Variants in DYNC1H1 observed in about 807,000 individuals in gnomAD.
The protein encoded by DYNC1H1 is dynein cytoplasmic 1 heavy chain 1.
A neutral mutation model predicts 527.1 loss-of-function variants in DYNC1H1; 51 were observed. The observed-to-expected ratio is 0.10, with a 90% CI of 0.08 to 0.12. The LOEUF is 0.12. Among genes scored for constraint, DYNC1H1 ranks in the 10% least tolerant of loss-of-function variants. The pLI is 1.00. For synonymous variants in DYNC1H1, 2,189 were observed against 2,278.8 expected (o/e 0.96, Z 1.12); for missense variants, 2,771 against 5,971.8 (o/e 0.46, Z 17.66).
chr14:102,048,647 G>A lies in DYNC1H1; in HGVS notation c.13350G>A (p.Thr4450=), dbSNP rs961375016. 13 of 1,613,430 alleles carry A rather than the reference G, an allele frequency of 8.1e-6. No homozygotes were observed. Among genetic ancestry groups the A allele is most frequent in the African/African-American group, 2.7e-5 (2 of 74,916 alleles). Residue 4450 remains threonine (T), a synonymous_variant, in exon 74 of 78, where the codon ACG becomes ACA. Coordinates refer to ENST00000360184, the MANE Select transcript of DYNC1H1 (RefSeq NM_001376.5). Reference sequence around the variant, plus strand: ...AGAAGCAGACCAACTACTTGCGCACGCTGATCAACGAGCTAGTGAAAGGTG... The same window carrying A: ...AGAAGCAGACCAACTACTTGCGCACACTGATCAACGAGCTAGTGAAAGGTG... ...GKKKQTNYLR[T]LINELVKGIL...
Position 101,988,833 on chromosome 14 carries a change from G to A in DYNC1H1, c.2849G>A (p.Gly950Asp). Residue 950 changes from glycine to aspartate, a missense_variant, in exon 10 of 78, where the codon GGT becomes GAT. By Grantham distance (94) the Gly-to-Asp change is moderately conservative. This residue lies in a region of DYNC1H1 where 179 missense variants were observed against 349.4 expected (regional missense o/e 0.51). Coordinates refer to ENST00000360184, the MANE Select transcript of DYNC1H1 (RefSeq NM_001376.5). ...TDAPQVSHKP[G>D]GEPKIKNVVH... ...GCTCCACAAGTTAGTCACAAGCCTG[G>A]TGGAGAGCCAAAGATCAAAGTGAGT... is the stretch of plus-strand genomic sequence containing the variant. The A allele has an allele frequency of 1.2e-6, 2 of 1,614,184 alleles. No individual in the cohort carries two copies. The highest frequency in any genetic ancestry group is 1.7e-6 in the Non-Finnish European group (2 of 1,180,036).
At chr14:101,984,953 A>AG (rs1435609987) in intron 7 of DYNC1H1, among the ~76,000 whole-genome samples, 3 of 150,882 alleles carry the variant, frequency 2.0e-5, no homozygotes, top group African/African-American at 7.3e-5. Flanking sequence ...AAAAAAAAAA[A>AG]AAAAGGAAAA....
intron 11 of DYNC1H1, 138 bp downstream of exon 11, chr14:101,991,811 G>A (rs2048001804): frequency 1.1e-5 from 14 of 1,317,564 alleles, no homozygotes; most frequent in Non-Finnish European, 1.5e-5. Context: ...GGAAAGTTAG[G>A]GAGGCTTTTT....
rs1283290148 is a variant in DYNC1H1, at chr14:102,036,661, A to G, written c.10908+19A>G. The G allele has an allele frequency of 1.9e-6, 3 of 1,613,844 alleles. No individual in the cohort carries two copies. The South Asian group carries it at 3.3e-5, about 18-fold the overall frequency. On this transcript the variant is annotated intron_variant, in intron 57 of 77. Coordinates refer to ENST00000360184, the MANE Select transcript of DYNC1H1 (RefSeq NM_001376.5). The surrounding 1 kb of genome is among the most constrained non-coding windows in gnomAD (Gnocchi z 5.6). ...GGTCCAGGTTGGTGTTGGCCTTTGA[A>G]TTCTTGAAACACTGCATTCAAGAGT...
Position 102,051,337 on chromosome 14 carries a change from T to TCGAGACC in DYNC1H1, c.*774_*775insCGAGACC, listed in dbSNP as rs2048807983. 6.6e-6 allele frequency: 1 copy of TCGAGACC among 151,368 alleles called. No homozygotes were observed. The highest frequency in any genetic ancestry group is 2.4e-5 in the African/African-American group (1 of 41,076). 9.4% of individuals were successfully genotyped at this position (151,368 alleles called of 1,614,324 possible). On this transcript the variant is annotated 3_prime_UTR_variant, in exon 78 of 78. Coordinates refer to ENST00000360184, the MANE Select transcript of DYNC1H1 (RefSeq NM_001376.5). The stretch of plus-strand genomic sequence containing the variant: ...GGCCGAGGCGGGCGGATCACCAAAT[T>TCGAGACC]AGCCGGGCATGGTGGCACATGCCTG...
In DYNC1H1 at chr14:102,048,006, A is replaced by T; in HGVS notation, c.13196A>T (p.Lys4399Met). The change falls in exon 73 of 78, where the codon AAG (lysine) becomes ATG (methionine). Residue 4399 changes from lysine to methionine, a missense_variant. By Grantham distance (95) the Lys-to-Met change is moderately conservative. Coordinates refer to ENST00000360184, the MANE Select transcript of DYNC1H1 (RefSeq NM_001376.5). Reference sequence around the variant, plus strand: ...ATCCCCCAGACGCTGAGCCACCTCAAGCGCACCGTGGAGAATATCAAGGTA... The same window carrying T: ...ATCCCCCAGACGCTGAGCCACCTCATGCGCACCGTGGAGAATATCAAGGTA... ...HLIPQTLSHL[K>M]RTVENIKDPL... is the part of the protein sequence containing the mutation. 1 of 1,611,786 alleles carries T rather than the reference A, an allele frequency of 6.2e-7. No individual in the cohort carries two copies. The highest frequency in any genetic ancestry group is 8.5e-7 in the Non-Finnish European group (1 of 1,179,878).
Position 102,041,052 on chromosome 14 carries a change from T to C in DYNC1H1, c.11941+379T>C, listed in dbSNP as rs1438072782. Reference sequence around the variant, plus strand: ...AGATCGCTTCTAGGTAGGTGTTGGCTTAGAAGTAAATCAGAAATTTCCAAT... The same window carrying C: ...AGATCGCTTCTAGGTAGGTGTTGGCCTAGAAGTAAATCAGAAATTTCCAAT... On this transcript the variant is annotated intron_variant, in intron 64 of 77. Transcript: ENST00000360184. The surrounding 1 kb of genome is among the most constrained non-coding windows in gnomAD (Gnocchi z 4.5). 2.8e-6 allele frequency: 1 copy of C among 360,082 alleles called. No individual in the cohort carries two copies. The highest frequency in any genetic ancestry group is 6.9e-5 in the East Asian group (1 of 14,490). The allele number at this position is 360,082 out of a possible 1,614,324, so 22.3% of individuals were successfully genotyped here. A position where few individuals can be genotyped will look rare whatever the true frequency, so the allele number is the denominator to read the frequency against.
At chr14:101,994,530 A>C in intron 12 of DYNC1H1, 143 bp from the exon 13 acceptor site, 1 of 1,339,236 alleles carries the variant, frequency 7.5e-7, no homozygotes, top group Non-Finnish European at 1.0e-6. Context: ...TTTTGATATG[A>C]AAATTCTGAG....
rs754809408 is a variant in DYNC1H1, at chr14:101,994,858, T to A, written c.3333+9T>A. 1.9e-6 allele frequency: 3 copies of A among 1,614,098 alleles called. No homozygotes were observed. Among genetic ancestry groups the A allele is most frequent in the Non-Finnish European group, 2.5e-6 (3 of 1,180,050 alleles). On this transcript the variant is annotated intron_variant, in intron 13 of 77. Coordinates refer to ENST00000360184, the MANE Select transcript of DYNC1H1 (RefSeq NM_001376.5). ...TTATAGATTATGGCAAGGTGAGCCC[T>A]GCTGTCTGGTTGAAAGGTGTCACGG...
intron 10 of DYNC1H1, among the ~76,000 whole-genome samples, chr14:101,989,609 C>T (rs866290982): frequency 6.6e-5 from 10 of 152,200 alleles, no homozygotes; most frequent in Admixed American, 3.9e-4. Context: ...ACAGTAAAAA[C>T]CTTGATCTGG....
At chr14:102,024,300 C>T (rs2048423041) in intron 43 of DYNC1H1, among the ~76,000 whole-genome samples, 1 of 152,182 alleles carries the variant, frequency 6.6e-6, no homozygotes, top group African/African-American at 2.4e-5. Flanking sequence ...GGACGTTTAC[C>T]GAGTTACAGT....
rs200918195 is a variant in DYNC1H1 at position 101,979,767 on chromosome 14, C to T, written c.567C>T (p.Leu189=). The T allele has an allele frequency of 1.9e-6, 3 of 1,614,114 alleles. No individual in the cohort carries two copies. Among genetic ancestry groups the T allele is most frequent in the South Asian group, 1.1e-5 (1 of 91,082 alleles). ...CAGTTGAAAAGAAGATTGCAGAACT[C>T]GAAATGGGACTCCTTCACTTGCAGC... The part of the protein sequence containing the change: ...APSVEKKIAE[L]EMGLLHLQQN... The change falls in exon 4 of 78, where the codon CTC becomes CTT. Residue 189 remains leucine (L), a synonymous_variant. Coordinates refer to ENST00000360184, the MANE Select transcript of DYNC1H1 (RefSeq NM_001376.5). The surrounding 1 kb of genome is among the most constrained non-coding windows in gnomAD (Gnocchi z 4.6).
intron 62 of DYNC1H1, 132 bp from the exon 63 acceptor site, chr14:102,040,104 C>G: frequency 7.8e-7 from 1 of 1,279,794 alleles, no homozygotes; most frequent in Non-Finnish European, 1.1e-6. Context: ...CTCGGCCTCC[C>G]AGAGTGCTGA....
intron 73 of DYNC1H1, 88 bp downstream of exon 73, chr14:102,048,116 C>T (rs556911026): frequency 2.0e-4 from 305 of 1,489,360 alleles, no homozygotes; most frequent in Non-Finnish European, 2.6e-4. Context: ...ACCATTGGTT[C>T]CACTGTGCCG....
Position 102,029,664 on chromosome 14 carries a change from G to A in DYNC1H1, c.9594G>A (p.Gln3198=), listed in dbSNP as rs2048488384. 6.2e-7 allele frequency: 1 copy of A among 1,614,226 alleles called. No individual in the cohort carries two copies. Among genetic ancestry groups the A allele is most frequent in the Non-Finnish European group, 8.5e-7 (1 of 1,180,046 alleles). Residue 3198 remains glutamine, a synonymous_variant, in exon 49 of 78, where the codon CAG becomes CAA. Transcript: ENST00000360184. The surrounding 1 kb of genome is among the most constrained non-coding windows in gnomAD (Gnocchi z 5.3). ...HEKRSELEEQ[Q]MHLNVGLRKI... ...AGCGGAGCGAGCTGGAGGAGCAGCA[G>A]ATGCACTTGAACGTGGGGCTCAGGA...
Position 102,033,833 on chromosome 14 carries a change from T to C in DYNC1H1, c.10414-143T>C. 1 of 861,490 alleles carries C rather than the reference T, an allele frequency of 1.2e-6. No individual in the cohort carries two copies. Among genetic ancestry groups the C allele is most frequent in the Non-Finnish European group, 1.9e-6 (1 of 536,996 alleles). 53.4% of individuals were successfully genotyped at this position (861,490 alleles called of 1,614,324 possible). A position where few individuals can be genotyped will look rare whatever the true frequency, so the allele number is the denominator to read the frequency against. ...TTAGTTATATATGATCTGGGTCTCA[T>C]CTCCTCTGGGACTGTGAACAACTTG... On this transcript the variant is annotated intron_variant, in intron 54 of 77. Coordinates refer to ENST00000360184, the MANE Select transcript of DYNC1H1 (RefSeq NM_001376.5). The surrounding 1 kb of genome is among the most constrained non-coding windows in gnomAD (Gnocchi z 5.6).
rs368526076 is a variant in DYNC1H1 at position 102,001,385 on chromosome 14, G to A, written c.4395+31G>A. The stretch of plus-strand genomic sequence containing the variant: ...TAATAGGACTGAACGGCTGCTTTAC[G>A]TTGTGTTTCGGGCTGTTACATAGAT... On this transcript the variant is annotated intron_variant, in intron 20 of 77. Coordinates refer to ENST00000360184, the MANE Select transcript of DYNC1H1 (RefSeq NM_001376.5). This position sits in a 1 kb window ranked among gnomAD's most constrained non-coding sequence, Gnocchi z 5.0. 9.0e-5 allele frequency: 145 copies of A among 1,613,644 alleles called. No individual in the cohort carries two copies. The highest frequency in any genetic ancestry group is 1.6e-4 in the African/African-American group (12 of 74,916).
In DYNC1H1 at chr14:102,029,590, C is replaced by T; in HGVS notation, c.9520C>T (p.Arg3174Cys). 6.2e-7 allele frequency: 1 copy of T among 1,614,220 alleles called. No homozygotes were observed. Among genetic ancestry groups the T allele is most frequent in the Non-Finnish European group, 8.5e-7 (1 of 1,180,044 alleles). The change falls in exon 49 of 78, where the codon CGC becomes TGC. Residue 3174 changes from arginine to cysteine, a missense_variant. Arg to Cys is a radical substitution (Grantham distance 180, BLOSUM62 -3). Transcript: ENST00000360184. The surrounding 1 kb of genome is among the most constrained non-coding windows in gnomAD (Gnocchi z 5.3). ...CGGCAGAACGATGGCCATCACCCCTCGCCACTACCTGGACTTCATCAATCA... is the reference window on the plus strand; with the variant it reads ...CGGCAGAACGATGGCCATCACCCCTTGCCACTACCTGGACTTCATCAATCA... ...RGGRTMAITP[R>C]HYLDFINHYA...
chr14:101,982,607 T>G lies in DYNC1H1; in HGVS notation c.962-412T>G, dbSNP rs17512005. 5.3e-3 allele frequency among the ~76,000 whole-genome samples: 810 copies of G among 151,672 alleles called. 14 individuals carry two copies. Among genetic ancestry groups the G allele is most frequent in the East Asian group, 0.035 (182 of 5,140 alleles). ...ACTCCGTCTCAAAAAAATAAAATAATAGAAATAAAGTGCACAATAAATGTA... is the reference window on the plus strand; with the variant it reads ...ACTCCGTCTCAAAAAAATAAAATAAGAGAAATAAAGTGCACAATAAATGTA... On this transcript the variant is annotated intron_variant, in intron 5 of 77. Transcript: ENST00000360184.
Sources: allele counts gnomAD v4.1 joint callset (sites outside exome capture counted in the v4.1 genomes callset), GRCh38; gene constraint gnomAD v4.1.1; regional missense constraint gnomAD v4.1.1; non-coding constraint Gnocchi (gnomAD v3.1); transcripts MANE v1.5; gene names NCBI Gene and HGNC (gene_info 2026-07-23, HGNC 2026-07-21).